SATL1: variants seen among roughly 807,000 people sequenced by gnomAD.
SATL1 encodes spermidine/spermine N1-acetyl transferase like 1.
A neutral mutation model predicts 51.8 loss-of-function variants in SATL1; 47 were observed. The observed-to-expected ratio is 0.91, with a 90% confidence interval of 0.72 to 1.16. The LOEUF is 1.16. Ranked by LOEUF, SATL1 falls within the 50% of genes most tolerant of loss-of-function variation. SATL1 has a pLI of 0.00. For synonymous variants in SATL1, 176 were observed against 182.4 expected (o/e 0.97, Z 0.28); for missense variants, 520 against 526.4 (o/e 0.99, Z 0.12).
At chrX:85,148,200 A>G (rs7065967) in intron 2 of SATL1, among the ~76,000 whole-genome samples, 5,358 of 111,623 alleles carry the variant, frequency 0.048, 370 homozygotes, top group African/African-American at 0.17. Flanking sequence ...GAGCCAATGC[A>G]ATCAACTGGA....
chrX:85,121,357 ATATG>A (rs1332740295), intron 2 of SATL1, among the ~76,000 whole-genome samples: 1 of 105,104 alleles, frequency 9.5e-6, no homozygotes, highest in Admixed American at 1.1e-4. Context: ...ATATAAAAAT[ATATG>A]TATGTATATA....
At chrX:85,155,113 T>A (rs1926554340) in intron 2 of SATL1, among the ~76,000 whole-genome samples, 1 of 111,663 alleles carries the variant, frequency 9.0e-6, no homozygotes, top group African/African-American at 3.2e-5. Context: ...CCGTATCCTT[T>A]CAAGCATCAT....
intron 2 of SATL1, among the ~76,000 whole-genome samples, chrX:85,169,596 G>T (rs752609406): frequency 1.8e-5 from 2 of 111,720 alleles, no homozygotes; most frequent in South Asian, 7.4e-4. Flanking sequence ...CACTCAGAAT[G>T]TCTATTATTA....
At chrX:85,161,495 A>AC (rs1167812037) in intron 2 of SATL1, among the ~76,000 whole-genome samples, 2 of 108,610 alleles carry the variant, frequency 1.8e-5, no homozygotes, top group Admixed American at 2.0e-4. Flanking sequence ...AAAAAAAAAA[A>AC]CAGAAAAAGC....
intron 2 of SATL1, among the ~76,000 whole-genome samples, chrX:85,164,283 T>C (rs1428324283): frequency 8.9e-6 from 1 of 111,746 alleles, no homozygotes; most frequent in Non-Finnish European, 1.9e-5. Flanking sequence ...ATTGTGCTAG[T>C]TGTTGCCTGA....
At chrX:85,174,481 C>T (rs1262379528) in intron 2 of SATL1, among the ~76,000 whole-genome samples, 2 of 109,853 alleles carry the variant, frequency 1.8e-5, no homozygotes, top group African/African-American at 6.6e-5. Flanking sequence ...CACCACCACA[C>T]CTGGCTAATT....
chrX:85,232,688 C>CA (rs1928407191), intron 1 of SATL1, among the ~76,000 whole-genome samples: 1 of 111,553 alleles, frequency 9.0e-6, no homozygotes, highest in African/African-American at 3.3e-5. Context: ...TTGGTGGCCA[C>CA]AGGAAGCAAC....
At chrX:85,149,883 C>T (rs1178508730) in intron 2 of SATL1, among the ~76,000 whole-genome samples, 1 of 110,992 alleles carries the variant, frequency 9.0e-6, no homozygotes, top group Non-Finnish European at 1.9e-5. Context: ...AAATTGACAC[C>T]CTAACATCAC....
At position 85,130,897 on chromosome X, in the gene SATL1, G is replaced by C. The variant is rs183842945; in HGVS notation, c.-312-21617C>G. On this transcript the variant is annotated intron_variant, in intron 2 of 7. Transcript: ENST00000644105. ...ACATCTTTATTTCTGCCTTCATTTT[G>C]TTATTTACCCAGTAGTCATTTAGGA... Among the ~76,000 whole-genome samples, 20 of 111,574 alleles carry C rather than the reference G, an allele frequency of 1.8e-4. No homozygotes were observed. In the East Asian group the frequency reaches 4.8e-3, roughly 27 times the overall value.
intron 2 of SATL1, 40 bp from the exon 3 acceptor site, chrX:85,109,320 C>A (rs1925199352): frequency 7.2e-6 from 2 of 277,414 alleles, no homozygotes; most frequent in African/African-American, 5.4e-5. Context: ...CGAAAATGAT[C>A]CTGGAGGAGT....
intron 1 of SATL1, among the ~76,000 whole-genome samples, chrX:85,234,753 G>A (rs1424215065): frequency 9.0e-6 from 1 of 110,571 alleles, no homozygotes; most frequent in Non-Finnish European, 1.9e-5. Flanking sequence ...GCTACCACAG[G>A]CAATCACTTC....
intron 3 of SATL1, among the ~76,000 whole-genome samples, chrX:85,105,879 A>C (rs1925027348): frequency 8.9e-6 from 1 of 112,088 alleles, no homozygotes; most frequent in Admixed American, 9.5e-5. Flanking sequence ...TTTTTCCACA[A>C]TGAATACTCA....
intron 2 of SATL1, among the ~76,000 whole-genome samples, chrX:85,190,493 G>A (rs926681703): frequency 9.0e-6 from 1 of 111,069 alleles, no homozygotes; most frequent in Non-Finnish European, 1.9e-5. Flanking sequence ...ACTGGCAAAT[G>A]TGCTATCAAC....
At chrX:85,174,271 CA>C (rs1927041543) in intron 2 of SATL1, among the ~76,000 whole-genome samples, 1 of 109,730 alleles carries the variant, frequency 9.1e-6, no homozygotes, top group African/African-American at 3.3e-5. Flanking sequence ...ATAAAAAGAC[CA>C]AATACCTAAG....
At chrX:85,104,971 TC>T (rs1191175810) in intron 3 of SATL1, among the ~76,000 whole-genome samples, 1 of 111,364 alleles carries the variant, frequency 9.0e-6, no homozygotes. Flanking sequence ...TTCTGGACTC[TC>T]CATTCTGTCC....
At chrX:85,241,631 C>T (rs1205652954) in intron 1 of SATL1, among the ~76,000 whole-genome samples, 106 of 111,644 alleles carry the variant, frequency 9.5e-4, no homozygotes, top group Non-Finnish European at 1.3e-4. Context: ...ATGGTCTCCC[C>T]ATTGTTCCCT....
At chrX:85,104,895 T>C (rs1569464554) in intron 3 of SATL1, among the ~76,000 whole-genome samples, 1 of 111,596 alleles carries the variant, frequency 9.0e-6, no homozygotes, top group Non-Finnish European at 1.9e-5. Flanking sequence ...TTTCAATCCA[T>C]GGTTGTTTGA....
intron 4 of SATL1, among the ~76,000 whole-genome samples, chrX:85,101,299 G>A (rs1396626270): frequency 1.8e-5 from 2 of 111,583 alleles, no homozygotes; most frequent in Non-Finnish European, 3.8e-5. Flanking sequence ...ATCTGATAAG[G>A]GATTAATATC....
intron 2 of SATL1, among the ~76,000 whole-genome samples, chrX:85,144,451 G>A (rs559829842): frequency 4.5e-5 from 5 of 111,237 alleles, no homozygotes; most frequent in East Asian, 2.8e-4. Flanking sequence ...AAACATACTC[G>A]GATACTCAGA....
Sources: allele counts gnomAD v4.1 joint callset (sites outside exome capture counted in the v4.1 genomes callset), GRCh38; gene constraint gnomAD v4.1.1; transcripts MANE v1.5; gene names NCBI Gene and HGNC (gene_info 2026-07-23, HGNC 2026-07-21).